RNF213: variants seen among roughly 807,000 people sequenced by gnomAD.
RNF213 encodes E3 ubiquitin-protein ligase RNF213.
RNF213 carries 341 observed loss-of-function variants against 514.4 expected under a neutral mutation model. The ratio of observed to expected loss-of-function variants is 0.66; its 90% CI spans 0.61 to 0.73. The LOEUF is 0.73. RNF213 is among the 30% of genes least tolerant of loss of function. RNF213 has a pLI of 0.00. For synonymous variants in RNF213, 2,655 were observed against 2,658.2 expected, an observed-to-expected ratio of 1.00 and a Z score of 0.04; for missense variants, 5,767 against 6,615.6, an observed-to-expected ratio of 0.87 and a Z score of 4.45.
intron 3 of RNF213, among the ~76,000 whole-genome samples, chr17:80,275,812 G>A (rs1187799513): frequency 6.6e-6 from 1 of 151,874 alleles, no homozygotes; most frequent in African/African-American, 2.4e-5. Flanking sequence ...ACAGGCACCC[G>A]CCACCACGCC....
chr17:80,379,563 TTG>T, intron 54 of RNF213, 55 bp from the exon 55 acceptor site: 1 of 1,459,374 alleles, frequency 6.9e-7, no homozygotes, highest in Non-Finnish European at 9.6e-7. Flanking sequence ...ATGATGGCAT[TTG>T]TGCATAAAAT....
intron 16 of RNF213, among the ~76,000 whole-genome samples, chr17:80,318,396 A>T (rs912114018): frequency 6.6e-6 from 1 of 151,992 alleles, no homozygotes; most frequent in Non-Finnish European, 1.5e-5. Flanking sequence ...GCCTCCATCA[A>T]TGGGGCCCCA....
In RNF213 at chr17:80,396,953, GC is replaced by G. The variant is rs1251284294; in HGVS notation, c.*3457del. 1 of 152,200 alleles carries G rather than the reference GC, an allele frequency of 6.6e-6. No individual in the cohort carries two copies. The highest frequency in any genetic ancestry group is 6.6e-5 in the Admixed American group (1 of 15,252). The allele number at this position is 152,200 out of a possible 1,614,324, so 9.4% of individuals were successfully genotyped here. On this transcript the variant is annotated 3_prime_UTR_variant, in exon 68 of 68. Transcript: ENST00000582970. ...AGGTGCTCCACAGCCCATAAAAAAC[GC>G]CTTCAGCCCTGCTGTGCTTCCCCTC...
In RNF213 at chr17:80,375,869, A is replaced by T; in HGVS notation, c.13184A>T (p.Glu4395Val). ...AATGCAAGCCTCCACCCCACGCCAG[A>T]GGTGAGTAACCGCCTGCAGGGCTGT... ...SHNASLHPTPEQCEAVSKFIG... is the reference protein window; with the variant it reads ...SHNASLHPTPVQCEAVSKFIG... The change falls in exon 51 of 68, where the codon GAG (glutamate) becomes GTG (valine). Residue 4395 changes from glutamate to valine, a missense_variant and splice_region_variant. Transcript: ENST00000582970. 1.9e-6 allele frequency: 3 copies of T among 1,599,502 alleles called. No individual in the cohort carries two copies. Among genetic ancestry groups the T allele is most frequent in the Non-Finnish European group, 2.6e-6 (3 of 1,166,626 alleles).
chr17:80,333,225 TA>T (rs1291112788), intron 21 of RNF213, among the ~76,000 whole-genome samples: 8 of 81,898 alleles, frequency 9.8e-5, no homozygotes, highest in African/African-American at 1.5e-4. Flanking sequence ...ATTTTTTTGG[TA>T]TTTTTTTTTT....
At position 80,306,395 on chromosome 17, in the gene RNF213, C is replaced by T; in HGVS notation, c.2354C>T (p.Pro785Leu). 1.9e-6 allele frequency: 3 copies of T among 1,614,158 alleles called. No homozygotes were observed. The highest frequency in any genetic ancestry group is 2.5e-6 in the Non-Finnish European group (3 of 1,180,026). The change falls in exon 12 of 68, where the codon CCT becomes CTT. Residue 785 changes from proline (P) to leucine (L), a missense_variant. By Grantham distance (98) the Pro-to-Leu change is moderately conservative. Around this residue, in one of 13 missense-constraint regions of RNF213, gnomAD observed 592 missense variants for 673.9 expected, o/e 0.88. Coordinates refer to ENST00000582970, the MANE Select transcript of RNF213 (RefSeq NM_001256071.3). ...TTCATTGAGCACCTGGGTCGTTTTCCTGCTCATATCCTGGACTGTCTTTCA... is the reference window on the plus strand; with the variant it reads ...TTCATTGAGCACCTGGGTCGTTTTCTTGCTCATATCCTGGACTGTCTTTCA... ...ENFIEHLGRF[P>L]AHILDCLSGI...
chr17:80,369,920 T>C, intron 46 of RNF213, 53 bp downstream of exon 46: 2 of 1,256,782 alleles, frequency 1.6e-6, no homozygotes, highest in Admixed American at 1.7e-5. Flanking sequence ...TTTCTCTTCA[T>C]CGCAGCGTTT....
chr17:80,377,715 A>C lies in RNF213; in HGVS notation c.13511-47A>C. The C allele has an allele frequency of 1.2e-6, 2 of 1,610,376 alleles. No individual in the cohort carries two copies. Among genetic ancestry groups the C allele is most frequent in the Non-Finnish European group, 1.7e-6 (2 of 1,176,524 alleles). Reference sequence around the variant, plus strand: ...TAGCTTTCCCTTTTCAATGTGGGTCATTGGGTGAAACCTCATTAGCCAATG... The same window carrying C: ...TAGCTTTCCCTTTTCAATGTGGGTCCTTGGGTGAAACCTCATTAGCCAATG... On this transcript the variant is annotated intron_variant, in intron 53 of 67. Transcript: ENST00000582970. The surrounding 1 kb of genome is among the most constrained non-coding windows in gnomAD (Gnocchi z 4.1).
intron 29 of RNF213, among the ~76,000 whole-genome samples, chr17:80,348,730 TAGG>T (rs1212125466): frequency 6.6e-6 from 1 of 152,154 alleles, no homozygotes; most frequent in African/African-American, 2.4e-5. Flanking sequence ...AGATGTTCCC[TAGG>T]AGAAGCCCCT....
chr17:80,357,397 G>A (rs574834718), intron 36 of RNF213, among the ~76,000 whole-genome samples: 21 of 151,964 alleles, frequency 1.4e-4, no homozygotes, highest in East Asian at 5.8e-4. Flanking sequence ...CCATCTGTCC[G>A]TCCGCCCATC....
At chr17:80,281,602 A>AC (rs1568006860) in intron 3 of RNF213, among the ~76,000 whole-genome samples, 26 of 127,242 alleles carry the variant, frequency 2.0e-4, no homozygotes, top group South Asian at 2.7e-4. Context: ...CAACACACAC[A>AC]GCCAACTCAC....
At chr17:80,354,203 C>G (rs748731097) in intron 35 of RNF213, 37 bp downstream of exon 35, 2 of 1,608,368 alleles carry the variant, frequency 1.2e-6, no homozygotes, top group South Asian at 2.2e-5. Flanking sequence ...CCTGCCCCCA[C>G]GTGGGCTCTT....
In RNF213 at chr17:80,327,967, G is replaced by C. The variant is rs751536680; in HGVS notation, c.3345G>C (p.Gln1115His). 9.8e-6 allele frequency: 15 copies of C among 1,537,174 alleles called. No homozygotes were observed. In the South Asian group the frequency reaches 1.4e-4, roughly 15 times the overall value. Reference protein sequence around the residue: ...QLELIIKHKNQFLDIWQLREK... With the variant: ...QLELIIKHKNHFLDIWQLREK... ...AGCTGATTATAAAGCACAAGAATCA[G>C]TTTCTTGACATCTGGCAACTGAGTA... Residue 1115 changes from glutamine (Q) to histidine (H), a missense_variant, in exon 19 of 68, where the codon CAG (glutamine) becomes CAC (histidine). By Grantham distance (24) the Gln-to-His change is conservative. Around this residue, in one of 13 missense-constraint regions of RNF213, gnomAD observed 516 missense variants for 566.5 expected, o/e 0.91. Coordinates refer to ENST00000582970, the MANE Select transcript of RNF213 (RefSeq NM_001256071.3).
At chr17:80,392,791 T>C (rs1277076888) in intron 67 of RNF213, among the ~76,000 whole-genome samples, 3 of 152,128 alleles carry the variant, frequency 2.0e-5, no homozygotes, top group Non-Finnish European at 2.9e-5. Context: ...GGTTTCTCCA[T>C]GTTGGCTAGG....
chr17:80,365,747 CCCCACA>C (rs940949618), intron 42 of RNF213, among the ~76,000 whole-genome samples: 3 of 152,156 alleles, frequency 2.0e-5, no homozygotes, highest in Admixed American at 2.0e-4. Flanking sequence ...CCACCCTTTT[CCCCACA>C]CCCACACAGC....
At chr17:80,337,453 G>GC in intron 23 of RNF213, 133 bp from the exon 24 acceptor site, 3 of 1,220,216 alleles carry the variant, frequency 2.5e-6, no homozygotes. Flanking sequence ...GTGGGCGACT[G>GC]CGTCCTGAGC....
In RNF213 at chr17:80,342,300, C is replaced by T. The variant is rs527278359; in HGVS notation, c.5990-832C>T. ...CAGAATCATTTCACAATGCATTTTT[C>T]AGAACGTGTCCCTAGTGCTAAGTGG... On this transcript the variant is annotated intron_variant, in intron 26 of 67. Transcript: ENST00000582970. Among the ~76,000 whole-genome samples, 177 of 152,302 alleles carry T rather than the reference C, an allele frequency of 1.2e-3. 2 individuals are homozygous for T. The South Asian group carries it at 0.034, about 29-fold the overall frequency.
At chr17:80,278,665 A>G in intron 3 of RNF213, 1 of 1,445,842 alleles carries the variant, frequency 6.9e-7, no homozygotes, top group East Asian at 2.5e-5. Context: ...GGCCTTCCCA[A>G]GAGGAGGTGG....
chr17:80,395,378 G>A lies in RNF213; in HGVS notation c.*1880G>A, dbSNP rs780987956. ...GACATCAGCTAGGCTTTTGGGAATCGTTTGTGTTCTTTGTGGAAATGTCCT... is the reference window on the plus strand; with the variant it reads ...GACATCAGCTAGGCTTTTGGGAATCATTTGTGTTCTTTGTGGAAATGTCCT... On this transcript the variant is annotated 3_prime_UTR_variant, in exon 68 of 68. Transcript: ENST00000582970. 1.3e-5 allele frequency: 2 copies of A among 152,188 alleles called. No homozygotes were observed. The highest frequency in any genetic ancestry group is 2.9e-5 in the Non-Finnish European group (2 of 68,040). 9.4% of individuals were successfully genotyped at this position (152,188 alleles called of 1,614,324 possible).
Sources: gnomAD v4.1 joint callset for allele counts (sites outside exome capture counted in the v4.1 genomes callset) on GRCh38, gnomAD v4.1.1 for gene constraint, gnomAD v4.1.1 regional missense constraint, Gnocchi (gnomAD v3.1) non-coding constraint, MANE v1.5 for transcripts, NCBI Gene and HGNC (gene_info 2026-07-23, HGNC 2026-07-21) for gene names.